The following PBRM1 variants were observed in gnomAD, a reference collection of about 807,000 sequenced individuals.
PBRM1 encodes the protein polybromo 1.
Under a neutral mutation model 194.5 loss-of-function variants are expected in PBRM1, and 27 were observed. The observed-to-expected ratio is 0.14, with a 90% CI of 0.10 to 0.19. PBRM1 has a LOEUF of 0.19. Among genes scored for constraint, PBRM1 ranks in the 10% least tolerant of loss-of-function variants. The pLI, the probability that PBRM1 is intolerant of heterozygous loss-of-function variation, is 1.00. For missense variants in PBRM1, 1,466 were observed against 2,077.2 expected, an observed-to-expected ratio of 0.71 and a Z score of 5.72; for synonymous variants, 655 against 693.2, an observed-to-expected ratio of 0.94 and a Z score of 0.87.
intron 15 of PBRM1, among the ~76,000 whole-genome samples, chr3:52,612,124 G>C (rs536374562): frequency 6.6e-6 from 1 of 151,852 alleles, no homozygotes; most frequent in Non-Finnish European, 1.5e-5. Flanking sequence ...GCCGGGCGTG[G>C]TGGTGCACAC....
rs1443104657 is a variant in PBRM1, at chr3:52,676,125, AAAAAAAAAAAAAAAAAAAAAAAAAAAAT to A, written c.236+2347_236+2374del. On this transcript the variant is annotated intron_variant, in intron 2 of 29. Coordinates refer to ENST00000296302, the Ensembl canonical transcript of PBRM1. ...GCGAGACTCCGTCTCAAAAAAAAAA[AAAAAAAAAAAAAAAAAAAAAAAAAAAAT>A]AATGAATGAAGCGGGATCCTTACCT... is the stretch of plus-strand genomic sequence containing the variant. Among the ~76,000 whole-genome samples the A allele has an allele frequency of 2.5e-4, 8 of 31,578 alleles. 3 individuals are homozygous for A. Among genetic ancestry groups the A allele is most frequent in the East Asian group, 2.0e-3 (3 of 1,464 alleles). 20.7% of individuals were successfully genotyped at this position (31,578 alleles called of 152,430 possible).
chr3:52,576,493 A>G, intron 22 of PBRM1, 48 bp downstream of exon 24: 1 of 1,461,408 alleles, frequency 6.8e-7, no homozygotes, highest in South Asian at 1.3e-5. Flanking sequence ...GTATTCCATC[A>G]ATTTTGATGG....
At chr3:52,668,729 A>C (rs1215186755) in intron 2 of PBRM1, 84 bp from the exon 4 acceptor site, 2 of 696,742 alleles carry the variant, frequency 2.9e-6, no homozygotes, top group Non-Finnish European at 4.4e-6. Context: ...GGTAATGTTC[A>C]ACATTCCAAG....
chr3:52,678,503 C>T (rs755035966), exon 2 of PBRM1: 3 of 1,604,132 alleles, frequency 1.9e-6, no homozygotes, highest in Non-Finnish European at 2.6e-6. Flanking sequence ...AACTCACCTT[C>T]GCTTTGGTGC....
chr3:52,614,098 C>T (rs151124859), intron 15 of PBRM1, among the ~76,000 whole-genome samples: 115 of 152,080 alleles, frequency 7.6e-4, no homozygotes, highest in African/African-American at 2.6e-3. Flanking sequence ...CTGGGCCAGG[C>T]GGGGTGGCTC....
intron 22 of PBRM1, among the ~76,000 whole-genome samples, chr3:52,571,309 C>T (rs1166397394): frequency 8.4e-6 from 1 of 118,518 alleles, no homozygotes; most frequent in Non-Finnish European, 1.7e-5. Context: ...GACGACAGAA[C>T]GAGACACTGT....
At chr3:52,681,680 T>C, upstream of PBRM1, 1 of 1,003,196 alleles carries the variant, frequency 1.0e-6, no homozygotes, top group Non-Finnish European at 1.2e-6. Flanking sequence ...AGGGTGTAGA[T>C]AATCAGTAAT....
At chr3:52,680,739 C>A (rs2097190142), upstream of PBRM1, among the ~76,000 whole-genome samples, 1 of 151,990 alleles carries the variant, frequency 6.6e-6, no homozygotes, top group African/African-American at 2.4e-5. Flanking sequence ...CTCACTGCAA[C>A]CTCCCTCCAC....
chr3:52,680,647 G>C (rs1391323730), upstream of PBRM1, among the ~76,000 whole-genome samples: 1 of 152,014 alleles, frequency 6.6e-6, no homozygotes, highest in Admixed American at 6.6e-5. Flanking sequence ...GATTTGAAAG[G>C]CCTTTTTCTT....
chr3:52,548,170 T>C (rs2079930634), exon 30 of PBRM1: 1 of 1,611,118 alleles, frequency 6.2e-7, no homozygotes, highest in African/African-American at 1.3e-5. Flanking sequence ...GCCCCTTTGC[T>C]TTTCAGCCAG....
intron 16 of PBRM1, among the ~76,000 whole-genome samples, chr3:52,605,203 A>C (rs2094268645): frequency 6.6e-6 from 1 of 152,128 alleles, no homozygotes; most frequent in Non-Finnish European, 1.5e-5. Context: ...TCTTGGGCTC[A>C]GGCTGGCTAA....
intron 2 of PBRM1, 68 bp from the exon 4 acceptor site, chr3:52,668,713 A>C: frequency 1.2e-6 from 1 of 846,356 alleles, no homozygotes; most frequent in Non-Finnish European, 1.7e-6. Context: ...TTTCAAAACT[A>C]TTTATGGTAA....
At chr3:52,575,464 T>C (rs1423687515) in intron 22 of PBRM1, among the ~76,000 whole-genome samples, 1 of 151,000 alleles carries the variant, frequency 6.6e-6, no homozygotes, top group East Asian at 1.9e-4. Flanking sequence ...TCCTGAGAAA[T>C]TCCAGACACT....
intron 10 of PBRM1, among the ~76,000 whole-genome samples, chr3:52,638,640 C>T (rs1433871560): frequency 6.6e-6 from 1 of 151,916 alleles, no homozygotes; most frequent in African/African-American, 2.4e-5. Flanking sequence ...GTTGCCAAGG[C>T]TAGAGTGTAG....
chr3:52,577,430 CAAA>C (rs71084193), intron 21 of PBRM1, among the ~76,000 whole-genome samples: 2,187 of 65,492 alleles, frequency 0.033, 25 homozygotes, highest in Middle Eastern at 0.056. Flanking sequence ...GACAATGTCT[CAAA>C]AAAAAAAAAA....
At chr3:52,656,369 A>G (rs1238151033) in intron 5 of PBRM1, among the ~76,000 whole-genome samples, 4 of 152,162 alleles carry the variant, frequency 2.6e-5, no homozygotes, top group African/African-American at 9.7e-5. Flanking sequence ...CACTCTTAAA[A>G]ATGCAAGGTT....
Position 52,637,773 on chromosome 3 carries a change from C to CAAAAA in PBRM1, c.1088-2963_1088-2959dup, listed in dbSNP as rs755241328. On this transcript the variant is annotated intron_variant, in intron 10 of 29. Transcript: ENST00000296302. ...CAAAACCATGTCTCTACTAAAAATA[C>CAAAAA]AAAAAAAAAAAAAAAAAAAAAAAAT... 7.2e-3 allele frequency among the ~76,000 whole-genome samples: 305 copies of CAAAAA among 42,226 alleles called. 31 individuals are homozygous for CAAAAA. In the Admixed American group the frequency reaches 0.085, roughly 12 times the overall value. The allele number at this position is 42,226 out of a possible 152,430, so 27.7% of individuals were successfully genotyped here.
At chr3:52,581,361 T>G (rs2091121346) in intron 20 of PBRM1, among the ~76,000 whole-genome samples, 2 of 152,010 alleles carry the variant, frequency 1.3e-5, no homozygotes, top group African/African-American at 4.8e-5. Flanking sequence ...GATACAAAAA[T>G]TAGCCAGGCA....
exon 20 of PBRM1, chr3:52,586,457 T>C: frequency 6.2e-7 from 1 of 1,613,864 alleles, no homozygotes. Context: ...TCAGCTCGAC[T>C]GTCCTCTGAG....
Sources: allele counts gnomAD v4.1 joint callset (sites outside exome capture counted in the v4.1 genomes callset), GRCh38; gene constraint gnomAD v4.1.1; transcripts MANE v1.5; gene names NCBI Gene and HGNC (gene_info 2026-07-23, HGNC 2026-07-21).